OR52I2: variants seen among roughly 807,000 people sequenced by gnomAD.
OR52I2 encodes olfactory receptor 52I2.
For synonymous variants in OR52I2, 147 were observed against 151.9 expected, an observed-to-expected ratio of 0.97 and a Z score of 0.24; for missense variants, 350 against 402.4, an observed-to-expected ratio of 0.87 and a Z score of 1.11.
exon 2 of OR52I2, chr11:4,589,263 G>A (rs1209077496): frequency 6.6e-6 from 1 of 152,230 alleles, no homozygotes; most frequent in Non-Finnish European, 1.5e-5. Flanking sequence ...GGGCCCCAAT[G>A]AGAAGTCTTT....
chr11:4,581,841 T>C (rs1013123653), exon 1 of OR52I2: 1 of 152,134 alleles, frequency 6.6e-6, no homozygotes, highest in South Asian at 2.1e-4. Flanking sequence ...TCAGGGAAAG[T>C]TGAATAGAGA....
At chr11:4,586,339 C>A (rs988167568) in intron 1 of OR52I2, among the ~76,000 whole-genome samples, 1 of 152,042 alleles carries the variant, frequency 6.6e-6, no homozygotes, top group Non-Finnish European at 1.5e-5. Flanking sequence ...GTTCATATAA[C>A]AACTAGTAAC....
chr11:4,586,443 T>A (rs762300785), intron 1 of OR52I2, among the ~76,000 whole-genome samples: 5 of 152,216 alleles, frequency 3.3e-5, no homozygotes, highest in Non-Finnish European at 5.9e-5. Flanking sequence ...ATAGACTTCT[T>A]TTTAATAGAC....
At chr11:4,586,739 T>A in intron 1 of OR52I2, 133 bp from the exon 2 acceptor site, 1 of 1,254,008 alleles carries the variant, frequency 8.0e-7, no homozygotes, top group Non-Finnish European at 1.1e-6. Flanking sequence ...ACAGGATAAT[T>A]TTGTCAGATG....
exon 2 of OR52I2, chr11:4,592,985 C>T (rs765689330): frequency 6.6e-6 from 1 of 152,210 alleles, no homozygotes; most frequent in Non-Finnish European, 1.5e-5. Flanking sequence ...CACACACGTA[C>T]TACATGATCT....
Position 4,583,885 on chromosome 11 carries a change from A to T in OR52I2, c.-20+2021A>T, listed in dbSNP as rs191660189. On this transcript the variant is annotated intron_variant, in intron 1 of 1. Transcript: ENST00000641896. ...GTCAATCAGTGCTAGGCTTTCTAGG[A>T]GGTTAATTGAAGGGGCAAATATATG... Among the ~76,000 whole-genome samples, 205 of 152,286 alleles carry T rather than the reference A, an allele frequency of 1.3e-3. 2 individuals are homozygous for T. Among genetic ancestry groups the T allele is most frequent in the Non-Finnish European group, 1.3e-3 (87 of 68,022 alleles).
rs746350049 is a variant in OR52I2 at position 4,587,115 on chromosome 11, T to C, written c.225T>C (p.Ile75=). The C allele has an allele frequency of 3.1e-6, 5 of 1,614,068 alleles. No individual in the cohort carries two copies. The African/African-American group carries it at 6.7e-5, about 22-fold the overall frequency. ...TGTGTGTTCTGGCTGCTGTGGACAT[T>C]GTTATGGCCTCCTCGGTGGTACCCA... Residue 75 remains isoleucine, a synonymous_variant, in exon 2 of 2, where the codon ATT becomes ATC. Coordinates refer to ENST00000641896, the Ensembl canonical transcript of OR52I2.
chr11:4,582,433 C>CCTTTTTTTTTTTTTTTTTTTTTTTTTT (rs1564859030), intron 1 of OR52I2, among the ~76,000 whole-genome samples: 1 of 74,664 alleles, frequency 1.3e-5, no homozygotes, highest in South Asian at 5.6e-4. Context: ...ATTTATTTTT[C>CCTTTTTTTTTTTTTTTTTTTTTTTTTT]ATTTTTTTTT....
chr11:4,593,037 T>C (rs1307410379), exon 2 of OR52I2: 2 of 152,254 alleles, frequency 1.3e-5, no homozygotes, highest in African/African-American at 2.4e-5. Context: ...CTGTGTTGTA[T>C]GGAATGGATG....
exon 2 of OR52I2, chr11:4,587,019 G>C (rs1394314500): frequency 6.2e-7 from 1 of 1,614,138 alleles, no homozygotes; most frequent in Non-Finnish European, 8.5e-7. Context: ...TCATAGCCCT[G>C]TTAGGAAACA....
chr11:4,587,095 G>A lies in OR52I2; in HGVS notation c.205G>A (p.Val69Ile), dbSNP rs953907960. 9.3e-6 allele frequency: 15 copies of A among 1,614,066 alleles called. 1 individual carries two copies. In the Admixed American group the frequency reaches 1.0e-4, roughly 11 times the overall value. ...TGAGCCCATGTATTGCTTTCTGTGT[G>A]TTCTGGCTGCTGTGGACATTGTTAT... Residue 69 changes from valine to isoleucine, a missense_variant, in exon 2 of 2, where the codon GTT becomes ATT. Physicochemically the swap from Val to Ile is conservative, Grantham distance 29. Transcript: ENST00000641896.
chr11:4,588,976 T>C (rs1461748447), exon 2 of OR52I2: 1 of 152,218 alleles, frequency 6.6e-6, no homozygotes, highest in African/African-American at 2.4e-5. Context: ...TCACAAATCC[T>C]ACCTATCATG....
rs386372959 is a variant in OR52I2, at chr11:4,582,434, A to ATTTTTTTTTTTTTT, written c.-20+579_-20+592dup. Among the ~76,000 whole-genome samples the ATTTTTTTTTTTTTT allele has an allele frequency of 5.4e-4, 52 of 96,466 alleles. 1 individual carries two copies. The highest frequency in any genetic ancestry group is 1.2e-3 in the East Asian group (4 of 3,236). 63.3% of individuals were successfully genotyped at this position (96,466 alleles called of 152,430 possible). On this transcript the variant is annotated intron_variant, in intron 1 of 1. Transcript: ENST00000641896. ...TTATTTTTATATTTATTTATTTTTCATTTTTTTTTTTTTTTTTTTTTTGAG... is the reference window on the plus strand; with the variant it reads ...TTATTTTTATATTTATTTATTTTTCATTTTTTTTTTTTTTTTTTTTTTTTTTTTTTTTTTTTGAG...
exon 2 of OR52I2, chr11:4,587,429 A>G: frequency 1.2e-6 from 2 of 1,613,674 alleles, no homozygotes; most frequent in Non-Finnish European, 1.7e-6. Context: ...GTGGTTGTCC[A>G]CTCCTACTGT....
chr11:4,582,064 A>T (rs1283402326), intron 1 of OR52I2, among the ~76,000 whole-genome samples, 200 bp downstream of exon 1: 1 of 152,224 alleles, frequency 6.6e-6, no homozygotes, highest in Non-Finnish European at 1.5e-5. Flanking sequence ...GTGGAGAGGG[A>T]ACGGAAATAT....
exon 2 of OR52I2, chr11:4,588,009 A>ATGAAATGTTTCTGATTTTC (rs1846321845): frequency 1.3e-5 from 9 of 698,624 alleles, no homozygotes; most frequent in Non-Finnish European, 1.4e-5. Flanking sequence ...AGGAATGTGA[A>ATGAAATGTTTCTGATTTTC]TGAAATGTTT....
At chr11:4,585,671 GT>G (rs1025428497) in intron 1 of OR52I2, among the ~76,000 whole-genome samples, 15 of 152,304 alleles carry the variant, frequency 9.8e-5, no homozygotes, top group Admixed American at 2.0e-4. Context: ...ACCTGGCCAA[GT>G]GAAACCCCTA....
chr11:4,587,917 C>T lies in OR52I2; in HGVS notation c.*52C>T, dbSNP rs767406401. On this transcript the variant is annotated 3_prime_UTR_variant, in exon 2 of 2. Coordinates refer to ENST00000641896, the Ensembl canonical transcript of OR52I2. The stretch of plus-strand genomic sequence containing the variant: ...ATTTCAAAGATGCCTTAGAGATCTG[C>T]AGAGCTTAGTTTACCTGGTGCTACA... 5.5e-6 allele frequency: 8 copies of T among 1,450,006 alleles called. 1 individual carries two copies. Among genetic ancestry groups the T allele is most frequent in the Middle Eastern group, 1.8e-4 (1 of 5,632 alleles). The allele number at this position is 1,450,006 out of a possible 1,614,324, so 89.8% of individuals were successfully genotyped here. A position where few individuals can be genotyped will look rare whatever the true frequency, so the allele number is the denominator to read the frequency against.
exon 2 of OR52I2, chr11:4,590,286 G>C (rs1335459221): frequency 6.6e-6 from 1 of 152,168 alleles, no homozygotes; most frequent in Non-Finnish European, 1.5e-5. Context: ...GAGATGTCAA[G>C]TAAAACAAAA....
Sources: allele counts gnomAD v4.1 joint callset (sites outside exome capture counted in the v4.1 genomes callset), GRCh38; gene constraint gnomAD v4.1.1; transcripts MANE v1.5; gene names NCBI Gene and HGNC (gene_info 2026-07-23, HGNC 2026-07-21).